Variants in HMGA2 observed in about 807,000 individuals in gnomAD.
HMGA2 encodes the protein high mobility group AT-hook 2, also known as high mobility group protein HMGI-C.
A neutral mutation model predicts 19.1 loss-of-function variants in HMGA2; 8 were observed. That is an observed-to-expected ratio of 0.42 (90% CI 0.25 to 0.76). HMGA2 has a LOEUF of 0.76. Ranked by LOEUF, HMGA2 falls within the 30% of genes least tolerant of loss-of-function variation. HMGA2 has a pLI of 0.28. For synonymous variants in HMGA2, 60 were observed against 48.8 expected, an observed-to-expected ratio of 1.23 and a Z score of -0.96; for missense variants, 109 against 136.3, an observed-to-expected ratio of 0.80 and a Z score of 1.00.
At chr12:65,938,727 C>T (rs1875980065) in intron 3 of HMGA2, among the ~76,000 whole-genome samples, 1 of 152,102 alleles carries the variant, frequency 6.6e-6, no homozygotes, top group African/African-American at 2.4e-5. Flanking sequence ...CAGCTCATGG[C>T]AGCCTCGACC....
At chr12:65,933,026 T>C (rs919338459) in intron 3 of HMGA2, among the ~76,000 whole-genome samples, 19 of 152,206 alleles carry the variant, frequency 1.2e-4, no homozygotes, top group African/African-American at 3.6e-4. Context: ...GTCCTATATA[T>C]GCTAAGTTTA....
intron 3 of HMGA2, among the ~76,000 whole-genome samples, chr12:65,905,437 G>T (rs1445277926): frequency 6.6e-6 from 1 of 151,370 alleles, no homozygotes; most frequent in Non-Finnish European, 1.5e-5. Context: ...AAAAGAAAAT[G>T]GAAAAAAAAA....
intron 4 of HMGA2, chr12:65,952,156 C>A: frequency 1.9e-6 from 1 of 521,538 alleles, no homozygotes. Context: ...AGTATAAGAA[C>A]GTCCTGCTGT....
At chr12:65,937,525 C>T (rs1484552101) in intron 3 of HMGA2, among the ~76,000 whole-genome samples, 2 of 152,170 alleles carry the variant, frequency 1.3e-5, no homozygotes, top group African/African-American at 4.8e-5. Context: ...ATTTACTACC[C>T]ATCTCTGGAA....
chr12:65,852,832 A>G (rs1438935248), intron 3 of HMGA2, among the ~76,000 whole-genome samples: 1 of 152,322 alleles, frequency 6.6e-6, no homozygotes, highest in African/African-American at 2.4e-5. Context: ...GTGGTAATAA[A>G]TAGGTGAAGT....
intron 3 of HMGA2, among the ~76,000 whole-genome samples, chr12:65,886,726 G>C (rs1565721703): frequency 6.6e-6 from 1 of 152,140 alleles, no homozygotes; most frequent in Non-Finnish European, 1.5e-5. Flanking sequence ...AGACAACACA[G>C]AGGTGTTCGA....
In HMGA2 at chr12:65,965,771, T is replaced by TA; in HGVS notation, c.*2480dup. 1 of 221,056 alleles carries TA rather than the reference T, an allele frequency of 4.5e-6. No homozygotes were observed. The highest frequency in any genetic ancestry group is 9.1e-6 in the Non-Finnish European group (1 of 110,068). The allele number at this position is 221,056 out of a possible 1,614,324, so 13.7% of individuals were successfully genotyped here. On this transcript the variant is annotated 3_prime_UTR_variant, in exon 5 of 5. Transcript: ENST00000403681. ...GAGTGATTTCCATCTCTGGTAAAGTTACACTTTTATTTCCTGTATGTTGTA... is the reference window on the plus strand; with the variant it reads ...GAGTGATTTCCATCTCTGGTAAAGTTAACACTTTTATTTCCTGTATGTTGTA...
intron 3 of HMGA2, among the ~76,000 whole-genome samples, chr12:65,868,389 G>C (rs953828768): frequency 1.3e-5 from 2 of 151,934 alleles, no homozygotes; most frequent in Non-Finnish European, 2.9e-5. Flanking sequence ...TTAAGCAGTA[G>C]GTGGTTTTAC....
At chr12:65,939,103 T>A (rs144896914) in intron 3 of HMGA2, among the ~76,000 whole-genome samples, 1,546 of 152,276 alleles carry the variant, frequency 0.01, 19 homozygotes, top group Non-Finnish European at 0.017. Context: ...AAACCTTTTT[T>A]GAATATTTAC....
chr12:65,898,863 T>C (rs535876624), intron 3 of HMGA2, among the ~76,000 whole-genome samples: 1 of 151,910 alleles, frequency 6.6e-6, no homozygotes, highest in South Asian at 2.1e-4. Flanking sequence ...GATAACACAG[T>C]GAAACTCCGT....
chr12:65,848,586 G>A (rs1296499639), intron 3 of HMGA2, among the ~76,000 whole-genome samples: 1 of 152,232 alleles, frequency 6.6e-6, no homozygotes, highest in Admixed American at 6.5e-5. Flanking sequence ...GCCGGGTGCG[G>A]TGGCTCACGC....
At chr12:65,835,105 T>C (rs1242591298) in intron 2 of HMGA2, among the ~76,000 whole-genome samples, 1 of 152,202 alleles carries the variant, frequency 6.6e-6, no homozygotes, top group Non-Finnish European at 1.5e-5. Context: ...TATGCCTCTG[T>C]TATACATGGG....
chr12:65,896,205 C>T (rs1429238379), intron 3 of HMGA2, among the ~76,000 whole-genome samples: 7 of 152,180 alleles, frequency 4.6e-5, no homozygotes, highest in African/African-American at 7.2e-5. Flanking sequence ...TTCATTGCAT[C>T]TGAGATCCCA....
chr12:65,941,425 G>A (rs188505684), intron 3 of HMGA2, among the ~76,000 whole-genome samples: 1 of 152,260 alleles, frequency 6.6e-6, no homozygotes, highest in East Asian at 1.9e-4. Flanking sequence ...ATAAGCTAAT[G>A]TTCGGGAATA....
rs1461971281 is a variant in HMGA2, at chr12:65,964,243, G to A, written c.*951G>A. 4.1e-5 allele frequency: 8 copies of A among 194,784 alleles called. No individual in the cohort carries two copies. Among genetic ancestry groups the A allele is most frequent in the Admixed American group, 1.9e-4 (3 of 16,066 alleles). 12.1% of individuals were successfully genotyped at this position (194,784 alleles called of 1,614,324 possible). ...CACCTAATTATGAGGTGGGAGGAGC[G>A]AAATCTAAATTTCTTTTGCTATAGT... is the stretch of plus-strand genomic sequence containing the variant. On this transcript the variant is annotated 3_prime_UTR_variant, in exon 5 of 5. Transcript: ENST00000403681.
intron 3 of HMGA2, among the ~76,000 whole-genome samples, chr12:65,897,092 G>A (rs1052881765): frequency 7.9e-5 from 12 of 152,198 alleles, no homozygotes; most frequent in African/African-American, 2.7e-4. Flanking sequence ...TTTTTTTAAA[G>A]TTTTTATTTT....
At chr12:65,861,150 G>A (rs73327450) in intron 3 of HMGA2, among the ~76,000 whole-genome samples, 28,541 of 152,146 alleles carry the variant, frequency 0.19, 4,704 homozygotes, top group African/African-American at 0.43. Context: ...GGTGGATCAC[G>A]AGGTCTGGAG....
At chr12:65,907,335 G>A (rs1874636590) in intron 3 of HMGA2, among the ~76,000 whole-genome samples, 1 of 151,362 alleles carries the variant, frequency 6.6e-6, no homozygotes, top group Admixed American at 6.6e-5. Context: ...GCTTGAACCA[G>A]GGAGGCAGAG....
intron 3 of HMGA2, among the ~76,000 whole-genome samples, chr12:65,848,585 G>T (rs949626271): frequency 5.3e-5 from 8 of 152,132 alleles, no homozygotes; most frequent in African/African-American, 1.9e-4. Flanking sequence ...GGCCGGGTGC[G>T]GTGGCTCACG....
Sources: gnomAD v4.1 joint callset for allele counts (sites outside exome capture counted in the v4.1 genomes callset) on GRCh38, gnomAD v4.1.1 for gene constraint, MANE v1.5 for transcripts, NCBI Gene and HGNC (gene_info 2026-07-23, HGNC 2026-07-21) for gene names.